TBC1D9: variants seen among roughly 807,000 people sequenced by gnomAD.
The protein encoded by TBC1D9 is TBC1 domain family member 9A.
Under a neutral mutation model 132.0 loss-of-function variants are expected in TBC1D9, and 63 were observed. The ratio of observed to expected loss-of-function variants is 0.48; its 90% CI spans 0.39 to 0.59. The LOEUF is 0.59. TBC1D9 is among the 20% of genes least tolerant of loss of function. TBC1D9 has a pLI of 0.00. For synonymous variants in TBC1D9, 610 were observed against 609.9 expected (o/e 1.00, Z 0.00); for missense variants, 1,261 against 1,592.7 (o/e 0.79, Z 3.54).
chr4:140,662,030 C>A lies in TBC1D9; in HGVS notation c.1666G>T (p.Ala556Ser), dbSNP rs763120709. The A allele has an allele frequency of 6.2e-7, 1 of 1,613,852 alleles. No individual in the cohort carries two copies. The change falls in exon 10 of 21, where the codon GCC (alanine) becomes TCC (serine). Residue 556 changes from alanine to serine, a missense_variant. Physicochemically the swap from Ala to Ser is moderately conservative, Grantham distance 99. This residue lies in a region of TBC1D9 where 550 missense variants were observed against 699.0 expected (regional missense o/e 0.79). Coordinates refer to ENST00000442267, the MANE Select transcript of TBC1D9 (RefSeq NM_015130.3). ...AAATCCCTCTCAATCTCCTCCGTGG[C>A]GAGATTATACTTCCCCATGGACTTC... is the stretch of plus-strand genomic sequence containing the variant. ...VEKSMGKYNL[A>S]TEEIERDLHR...
chr4:140,647,669 C>A (rs1296822548), intron 13 of TBC1D9, among the ~76,000 whole-genome samples: 3 of 152,166 alleles, frequency 2.0e-5, no homozygotes, highest in Admixed American at 1.3e-4. Flanking sequence ...ATTCAAAGAG[C>A]CCCGTGTGTC....
intron 2 of TBC1D9, among the ~76,000 whole-genome samples, chr4:140,687,014 G>C (rs1411356862): frequency 6.6e-6 from 1 of 152,060 alleles, no homozygotes; most frequent in Non-Finnish European, 1.5e-5. Context: ...CATTAGCACA[G>C]TTGCCTTGAA....
rs775121658 is a variant in TBC1D9 at position 140,622,478 on chromosome 4, T to C, written c.3518A>G (p.His1173Arg). Reference sequence around the variant, plus strand: ...CTCGCAGTGCAGCTTGTCCTCCTCGTGGGAGCCGGCACTCAGCACCGAGTA... The same window carrying C: ...CTCGCAGTGCAGCTTGTCCTCCTCGCGGGAGCCGGCACTCAGCACCGAGTA... ...SSYSVLSAGS[H>R]EEDKLHCEDI... The change falls in exon 21 of 21, where the codon CAC (histidine) becomes CGC (arginine). Residue 1173 changes from histidine (H) to arginine (R), a missense_variant. This residue lies in a region of TBC1D9 where 618 missense variants were observed against 724.4 expected (regional missense o/e 0.85). Transcript: ENST00000442267. The C allele has an allele frequency of 6.2e-7, 1 of 1,614,052 alleles. No individual in the cohort carries two copies. The highest frequency in any genetic ancestry group is 8.5e-7 in the Non-Finnish European group (1 of 1,179,886).
chr4:140,686,793 C>T (rs1282882649), intron 2 of TBC1D9, among the ~76,000 whole-genome samples: 1 of 152,154 alleles, frequency 6.6e-6, no homozygotes, highest in Non-Finnish European at 1.5e-5. Flanking sequence ...CCTCCCCTTT[C>T]CTCCCTTCTA....
chr4:140,664,039 C>CAAAAAAAA (rs1560877849), intron 9 of TBC1D9, among the ~76,000 whole-genome samples: 1 of 81,252 alleles, frequency 1.2e-5, no homozygotes, highest in Non-Finnish European at 2.9e-5. Context: ...ACTCTCCCCA[C>CAAAAAAAA]CAAAAAAAAA....
intron 6 of TBC1D9, among the ~76,000 whole-genome samples, chr4:140,675,321 TAAAG>T (rs1047723689): frequency 1.3e-4 from 20 of 151,802 alleles, no homozygotes; most frequent in Admixed American, 1.2e-3. Flanking sequence ...AAGAAAAAGA[TAAAG>T]AAGGCAGAGA....
chr4:140,684,129 T>C (rs1737746073), intron 3 of TBC1D9, among the ~76,000 whole-genome samples: 1 of 152,006 alleles, frequency 6.6e-6, no homozygotes, highest in African/African-American at 2.4e-5. Context: ...AGGCCGGGCA[T>C]GGTGTCTTAG....
At position 140,756,008 on chromosome 4, in the gene TBC1D9, G is replaced by A; in HGVS notation, c.38C>T (p.Ala13Val). Residue 13 changes from alanine (A) to valine (V), a missense_variant, in exon 1 of 21, where the codon GCG becomes GTG. Physicochemically the swap from Ala to Val is moderately conservative, Grantham distance 64 (BLOSUM62 0). This residue lies in a region of TBC1D9 where 550 missense variants were observed against 699.0 expected (regional missense o/e 0.79). Coordinates refer to ENST00000442267, the MANE Select transcript of TBC1D9 (RefSeq NM_015130.3). This position sits in a 1 kb window ranked among gnomAD's most constrained non-coding sequence, Gnocchi z 5.6. ...VNPEEVLLANALWITERANPY... is the reference protein window; with the variant it reads ...VNPEEVLLANVLWITERANPY... ...GTTGGCCCTCTCGGTGATCCACAGC[G>A]CGTTGGCCAGCAACACCTCCTCCGG... 6.2e-7 allele frequency: 1 copy of A among 1,609,692 alleles called. No individual in the cohort carries two copies. The highest frequency in any genetic ancestry group is 8.5e-7 in the Non-Finnish European group (1 of 1,177,740).
intron 10 of TBC1D9, among the ~76,000 whole-genome samples, chr4:140,660,823 G>A (rs1012670773): frequency 3.9e-5 from 6 of 152,290 alleles, no homozygotes; most frequent in South Asian, 2.1e-4. Flanking sequence ...GTGCATGTAC[G>A]TGCACTTGTG....
intron 1 of TBC1D9, among the ~76,000 whole-genome samples, chr4:140,718,234 G>T (rs964279745): frequency 1.2e-3 from 115 of 93,836 alleles, no homozygotes; most frequent in African/African-American, 1.8e-3. Context: ...TTTTTTTTCT[G>T]TTCCTTTTTT....
rs1432711388 is a variant in TBC1D9, at chr4:140,621,647, T to C, written c.*548A>G. On this transcript the variant is annotated 3_prime_UTR_variant, in exon 21 of 21. Transcript: ENST00000442267. ...GAAGGGGAACATCTGTGGAATATGA[T>C]TTTGAATAGAGGACTTCTATGAAAT... 3 of 152,212 alleles carry C rather than the reference T, an allele frequency of 2.0e-5. No individual in the cohort carries two copies. Among genetic ancestry groups the C allele is most frequent in the Non-Finnish European group, 4.4e-5 (3 of 68,040 alleles). The allele number at this position is 152,212 out of a possible 1,614,324, so 9.4% of individuals were successfully genotyped here.
At chr4:140,745,105 A>T (rs72949562) in intron 1 of TBC1D9, among the ~76,000 whole-genome samples, 5,226 of 152,186 alleles carry the variant, frequency 0.034, 154 homozygotes, top group African/African-American at 0.081. Flanking sequence ...CTGCCCAGAC[A>T]AAACCAATTA....
intron 16 of TBC1D9, among the ~76,000 whole-genome samples, chr4:140,632,134 A>C (rs1736804117): frequency 6.6e-6 from 1 of 152,168 alleles, no homozygotes; most frequent in South Asian, 2.1e-4. Flanking sequence ...TCCTTCTTGA[A>C]GATTTTCAAA....
intron 13 of TBC1D9, among the ~76,000 whole-genome samples, chr4:140,645,723 G>A (rs1022071926): frequency 3.3e-5 from 5 of 152,100 alleles, no homozygotes; most frequent in African/African-American, 1.2e-4. Context: ...TGCCCTCTCT[G>A]ACCAGCCACC....
Position 140,668,870 on chromosome 4 carries a change from G to A in TBC1D9, c.1588+47C>T, listed in dbSNP as rs761610141. 1.1e-5 allele frequency: 17 copies of A among 1,602,034 alleles called. No individual in the cohort carries two copies. In the East Asian group the frequency reaches 3.6e-4, roughly 34 times the overall value. ...GAAGGCACAGGGAGGCCCTGGTGTG[G>A]AGTCCCACAGACTTTGACGCCAGCA... On this transcript the variant is annotated intron_variant, in intron 9 of 20. Coordinates refer to ENST00000442267, the MANE Select transcript of TBC1D9 (RefSeq NM_015130.3).
intron 18 of TBC1D9, 111 bp from the exon 19 acceptor site, chr4:140,624,499 GCAAA>G (rs5862492): frequency 0.11 from 94,507 of 842,844 alleles, 6,881 homozygotes; most frequent in South Asian, 0.15. Context: ...GCCTGATTTA[GCAAA>G]CAAACAAACA....
chr4:140,709,012 G>A (rs116469938), intron 1 of TBC1D9, among the ~76,000 whole-genome samples: 1,800 of 152,166 alleles, frequency 0.012, 35 homozygotes, highest in African/African-American at 0.04. Flanking sequence ...GTTTTCATAA[G>A]TATCATACAT....
At chr4:140,690,757 C>T (rs1439189857) in intron 2 of TBC1D9, among the ~76,000 whole-genome samples, 1 of 152,038 alleles carries the variant, frequency 6.6e-6, no homozygotes, top group Non-Finnish European at 1.5e-5. Context: ...ACCAGTATAG[C>T]AGGAACTCTA....
At chr4:140,712,157 T>A (rs1056454163) in intron 1 of TBC1D9, 7 of 151,818 alleles carry the variant, frequency 4.6e-5, no homozygotes, top group African/African-American at 7.3e-5. Context: ...AGAGTCCATA[T>A]CTAAATGAGA....
Sources: allele counts gnomAD v4.1 joint callset (sites outside exome capture counted in the v4.1 genomes callset), GRCh38; gene constraint gnomAD v4.1.1; regional missense constraint gnomAD v4.1.1; non-coding constraint Gnocchi (gnomAD v3.1); transcripts MANE v1.5; gene names NCBI Gene and HGNC (gene_info 2026-07-23, HGNC 2026-07-21).